Variants in XPO6 observed in about 807,000 individuals in gnomAD.
XPO6 encodes exportin 6, also known as exportin-6.
Under a neutral mutation model 130.0 loss-of-function variants are expected in XPO6, and 3 were observed. That is an observed-to-expected ratio of 0.02 (90% CI 0.01 to 0.06). XPO6 has a LOEUF of 0.06. Ranked by LOEUF, XPO6 falls within the 10% of genes least tolerant of loss-of-function variation. The pLI is 1.00. For synonymous variants in XPO6, 524 were observed against 548.9 expected (o/e 0.95, Z 0.63); for missense variants, 970 against 1,393.0 (o/e 0.70, Z 4.83).
chr16:28,124,009 T>A (rs544211788), intron 13 of XPO6, among the ~76,000 whole-genome samples: 2 of 151,650 alleles, frequency 1.3e-5, no homozygotes, highest in East Asian at 3.9e-4. Flanking sequence ...TGATTCAGGA[T>A]CTTTGAGACA....
At chr16:28,180,782 G>C (rs2043602705) in intron 2 of XPO6, among the ~76,000 whole-genome samples, 159 bp downstream of exon 2, 1 of 152,162 alleles carries the variant, frequency 6.6e-6, no homozygotes, top group African/African-American at 2.4e-5. Flanking sequence ...CAAGTGGAGG[G>C]GTTTCCCCAG....
intron 12 of XPO6, among the ~76,000 whole-genome samples, chr16:28,128,852 C>A (rs1285275567): frequency 1.3e-5 from 2 of 152,190 alleles, no homozygotes; most frequent in Non-Finnish European, 2.9e-5. Flanking sequence ...GAACACAGAA[C>A]AAGCCAAAGC....
rs989699288 is a variant in XPO6, at chr16:28,101,263, A to G, written c.3276+195T>C. The G allele has an allele frequency of 2.8e-5, 19 of 672,764 alleles. No individual in the cohort carries two copies. The highest frequency in any genetic ancestry group is 6.3e-5 in the Admixed American group (3 of 47,672). The allele number at this position is 672,764 out of a possible 1,614,324, so 41.7% of individuals were successfully genotyped here. ...AAGAACATACGTGCTACAGACACCAAGACTGGGGAAAAGGCTGTGCCCCTC... is the reference window on the plus strand; with the variant it reads ...AAGAACATACGTGCTACAGACACCAGGACTGGGGAAAAGGCTGTGCCCCTC... On this transcript the variant is annotated intron_variant, in intron 23 of 23. Transcript: ENST00000304658. This position sits in a 1 kb window ranked among gnomAD's most constrained non-coding sequence, Gnocchi z 5.4.
intron 6 of XPO6, among the ~76,000 whole-genome samples, chr16:28,166,127 C>T (rs1365819349): frequency 1.3e-5 from 2 of 151,574 alleles, no homozygotes; most frequent in African/African-American, 4.9e-5. Flanking sequence ...CAACATGAAT[C>T]CAGTGAGGAA....
At chr16:28,198,654 T>C (rs2043906204) in intron 1 of XPO6, among the ~76,000 whole-genome samples, 1 of 150,810 alleles carries the variant, frequency 6.6e-6, no homozygotes, top group Non-Finnish European at 1.5e-5. Context: ...AGAAAAAAAA[T>C]AATAATTTTA....
At chr16:28,115,534 G>A (rs1014180506) in intron 15 of XPO6, among the ~76,000 whole-genome samples, 4 of 152,220 alleles carry the variant, frequency 2.6e-5, no homozygotes, top group Non-Finnish European at 5.9e-5. Context: ...CAGATGTGCT[G>A]TCATTCAGGC....
chr16:28,175,786 C>T, intron 4 of XPO6, 112 bp downstream of exon 4: 2 of 837,254 alleles, frequency 2.4e-6, no homozygotes, highest in South Asian at 1.6e-5. Context: ...ACAATAACCT[C>T]ACTACTGCAG....
rs2042699641 is a variant in XPO6, at chr16:28,132,808, C to T, written c.1537-405G>A. Among the ~76,000 whole-genome samples the T allele has an allele frequency of 6.6e-6, 1 of 152,138 alleles. No individual in the cohort carries two copies. The highest frequency in any genetic ancestry group is 6.5e-5 in the Admixed American group (1 of 15,276). ...GGAACCTCTACCTTGAGAGAAATGT[C>T]AGCTATGCCTTATTAAGCACATGGT... is the stretch of plus-strand genomic sequence containing the variant. On this transcript the variant is annotated intron_variant, in intron 11 of 23. Coordinates refer to ENST00000304658, the MANE Select transcript of XPO6 (RefSeq NM_015171.4). This position sits in a 1 kb window ranked among gnomAD's most constrained non-coding sequence, Gnocchi z 4.0.
intron 1 of XPO6, among the ~76,000 whole-genome samples, chr16:28,201,496 T>C (rs2043951890): frequency 6.6e-6 from 1 of 150,808 alleles, no homozygotes; most frequent in African/African-American, 2.4e-5. Context: ...GGAGGAGGAG[T>C]GGGGAAGGAG....
intron 15 of XPO6, among the ~76,000 whole-genome samples, chr16:28,116,712 T>C (rs1025489361): frequency 2.6e-5 from 4 of 152,336 alleles, no homozygotes; most frequent in Non-Finnish European, 4.4e-5. Flanking sequence ...CACACATTTA[T>C]CAATCAAGTT....
chr16:28,168,791 T>G (rs1387222320), intron 5 of XPO6, among the ~76,000 whole-genome samples: 1 of 151,214 alleles, frequency 6.6e-6, no homozygotes, highest in Non-Finnish European at 1.5e-5. Context: ...GTTTTTTTTT[T>G]TTTCCAGAAA....
At chr16:28,110,071 T>G (rs1333134431) in intron 17 of XPO6, among the ~76,000 whole-genome samples, 1 of 152,036 alleles carries the variant, frequency 6.6e-6, no homozygotes, top group Non-Finnish European at 1.5e-5. Context: ...AGTATAAAGT[T>G]GAGATAAGAA....
intron 1 of XPO6, among the ~76,000 whole-genome samples, chr16:28,193,095 C>T (rs1806969970): frequency 6.6e-6 from 1 of 152,166 alleles, no homozygotes; most frequent in Admixed American, 6.5e-5. Flanking sequence ...TTTATAAAGG[C>T]AAAGTCCCCC....
chr16:28,135,137 G>T, intron 10 of XPO6, 79 bp downstream of exon 10: 1 of 1,177,232 alleles, frequency 8.5e-7, no homozygotes. Flanking sequence ...GGAGCAGAGG[G>T]CTCTGGGTTC....
At chr16:28,133,975 C>T (rs1484701950) in intron 10 of XPO6, 42 bp from the exon 11 acceptor site, 1 of 1,601,026 alleles carries the variant, frequency 6.2e-7, no homozygotes, top group East Asian at 2.2e-5. Context: ...CCAGAATCCT[C>T]TCATCTTCCT....
chr16:28,179,334 G>C (rs2043581410), intron 2 of XPO6: 1 of 152,160 alleles, frequency 6.6e-6, no homozygotes, highest in South Asian at 2.1e-4. Flanking sequence ...AAAGTGCTGA[G>C]ATTACAGGCA....
intron 9 of XPO6, among the ~76,000 whole-genome samples, chr16:28,138,182 G>T (rs930696890): frequency 2.0e-5 from 3 of 152,060 alleles, no homozygotes; most frequent in African/African-American, 7.2e-5. Flanking sequence ...TCCATAGAAA[G>T]GTAAGATCAA....
At chr16:28,134,011 C>T (rs148395768) in intron 10 of XPO6, 78 bp from the exon 11 acceptor site, 4 of 1,429,120 alleles carry the variant, frequency 2.8e-6, no homozygotes, top group African/African-American at 2.8e-5. Context: ...CACTCTCAGA[C>T]ATAAAATTTT....
At chr16:28,102,793 C>T (rs560097688) in intron 21 of XPO6, among the ~76,000 whole-genome samples, 8 of 152,026 alleles carry the variant, frequency 5.3e-5, no homozygotes, top group Admixed American at 1.3e-4. Flanking sequence ...AGAAACACCC[C>T]GCACACCAAC....
Sources: allele counts gnomAD v4.1 joint callset (sites outside exome capture counted in the v4.1 genomes callset), GRCh38; gene constraint gnomAD v4.1.1; non-coding constraint Gnocchi (gnomAD v3.1); transcripts MANE v1.5; gene names NCBI Gene and HGNC (gene_info 2026-07-23, HGNC 2026-07-21).